PDLIM4: variants seen among roughly 807,000 people sequenced by gnomAD.
The protein encoded by PDLIM4 is PDZ and LIM domain 4, also known as PDZ and LIM domain protein 4.
PDLIM4 carries 19 observed loss-of-function variants against 31.3 expected under a neutral mutation model. The observed-to-expected ratio is 0.61, with a 90% CI of 0.42 to 0.89. PDLIM4 has a LOEUF of 0.89. Ranked by LOEUF, PDLIM4 falls within the 40% of genes least tolerant of loss-of-function variation. PDLIM4 has a pLI of 0.00. For missense variants in PDLIM4, 442 were observed against 461.1 expected, an observed-to-expected ratio of 0.96 and a Z score of 0.38; for synonymous variants, 176 against 190.1, an observed-to-expected ratio of 0.93 and a Z score of 0.61.
At chr5:132,266,426 G>A (rs753322725) in intron 2 of PDLIM4, 38 bp from the exon 3 acceptor site, 2 of 1,412,144 alleles carry the variant, frequency 1.4e-6, no homozygotes, top group Non-Finnish European at 2.0e-6. Context: ...GGTGGGCGTG[G>A]TAGGAGACAT....
intron 1 of PDLIM4, among the ~76,000 whole-genome samples, chr5:132,258,387 G>A (rs1756291821): frequency 6.6e-6 from 1 of 152,230 alleles, no homozygotes; most frequent in Non-Finnish European, 1.5e-5. Context: ...GAGGAATTTT[G>A]GCTTCCAGGG....
At chr5:132,261,722 G>A (rs1756377270) in intron 1 of PDLIM4, among the ~76,000 whole-genome samples, 2 of 152,142 alleles carry the variant, frequency 1.3e-5, no homozygotes, top group Admixed American at 6.5e-5. Context: ...GCTTGACCCC[G>A]AGGGGTCAAT....
In PDLIM4 at chr5:132,273,419, G is replaced by A. The variant is rs1336453215; in HGVS notation, c.*1190G>A. 1.3e-5 allele frequency: 2 copies of A among 152,136 alleles called. No individual in the cohort carries two copies. Among genetic ancestry groups the A allele is most frequent in the African/African-American group, 2.4e-5 (1 of 41,426 alleles). The allele number at this position is 152,136 out of a possible 1,614,324, so 9.4% of individuals were successfully genotyped here. A position where few individuals can be genotyped will look rare whatever the true frequency, so the allele number is the denominator to read the frequency against. On this transcript the variant is annotated 3_prime_UTR_variant, in exon 7 of 7. Coordinates refer to ENST00000253754, the MANE Select transcript of PDLIM4 (RefSeq NM_003687.4). ...TATGTTTCTTTTTTCATTTTTGCCA[G>A]TCTGTTAAGTAAAATGTCATATGCG...
intron 5 of PDLIM4, 79 bp downstream of exon 5, chr5:132,271,545 C>A: frequency 6.9e-7 from 1 of 1,443,294 alleles, no homozygotes; most frequent in Non-Finnish European, 9.6e-7. Flanking sequence ...ACCCCACGTC[C>A]CGCCTCGCAG....
Position 132,271,852 on chromosome 5 carries a change from T to A in PDLIM4, c.732T>A (p.Ala244=). The change falls in exon 6 of 7, where the codon GCT becomes GCA. Residue 244 remains alanine, a synonymous_variant. Transcript: ENST00000253754. ...AGCCCACGGCCAGCAAGCTGGGCGC[T>A]CCGCTGAGCGGCCTGCAGGGGCTGC... ...NLKPTASKLG[A]PLSGLQGLPE... 6.2e-7 allele frequency: 1 copy of A among 1,612,362 alleles called. No individual in the cohort carries two copies. Among genetic ancestry groups the A allele is most frequent in the Non-Finnish European group, 8.5e-7 (1 of 1,179,394 alleles).
chr5:132,271,585 G>C (rs780677269), intron 5 of PDLIM4, 119 bp downstream of exon 5: 1 of 1,142,144 alleles, frequency 8.8e-7, no homozygotes, highest in Non-Finnish European at 1.3e-6. Flanking sequence ...TCTGCGGCCC[G>C]GTCCCACGCC....
intron 1 of PDLIM4, among the ~76,000 whole-genome samples, chr5:132,261,043 A>G (rs1290054543): frequency 6.6e-6 from 1 of 152,156 alleles, no homozygotes; most frequent in Non-Finnish European, 1.5e-5. Context: ...CTTTCTCTTC[A>G]TCTGTAAAAT....
At chr5:132,268,238 G>T (rs1301650315) in intron 3 of PDLIM4, among the ~76,000 whole-genome samples, 4 of 152,182 alleles carry the variant, frequency 2.6e-5, no homozygotes, top group Admixed American at 1.3e-4. Flanking sequence ...AAAAGGTCAT[G>T]GGCTCCATGG....
At chr5:132,270,006 A>G (rs57560761) in intron 3 of PDLIM4, among the ~76,000 whole-genome samples, 10,905 of 152,118 alleles carry the variant, frequency 0.072, 493 homozygotes, top group South Asian at 0.13. Context: ...TTAAAGCATA[A>G]TTGTGAGAGT....
chr5:132,262,286 A>G (rs560350194), intron 1 of PDLIM4, among the ~76,000 whole-genome samples: 1 of 152,268 alleles, frequency 6.6e-6, no homozygotes, highest in East Asian at 1.9e-4. Flanking sequence ...CTATGTCTCC[A>G]TGTGTCTCTG....
chr5:132,262,861 C>G, intron 2 of PDLIM4, 101 bp downstream of exon 2: 1 of 1,149,006 alleles, frequency 8.7e-7, no homozygotes, highest in East Asian at 2.6e-5. Flanking sequence ...GCCTCTCTGC[C>G]TCAGCTCCTG....
rs1756675695 is a variant in PDLIM4 at position 132,273,416 on chromosome 5, C to T, written c.*1187C>T. 1 of 152,090 alleles carries T rather than the reference C, an allele frequency of 6.6e-6. No individual in the cohort carries two copies. Among genetic ancestry groups the T allele is most frequent in the African/African-American group, 2.4e-5 (1 of 41,406 alleles). The allele number at this position is 152,090 out of a possible 1,614,324, so 9.4% of individuals were successfully genotyped here. A position where few individuals can be genotyped will look rare whatever the true frequency, so the allele number is the denominator to read the frequency against. On this transcript the variant is annotated 3_prime_UTR_variant, in exon 7 of 7. Transcript: ENST00000253754. ...TATTATGTTTCTTTTTTCATTTTTG[C>T]CAGTCTGTTAAGTAAAATGTCATAT...
chr5:132,257,872 G>T lies in PDLIM4; in HGVS notation c.93+45G>T. 8.5e-7 allele frequency: 1 copy of T among 1,175,210 alleles called. No homozygotes were observed. The highest frequency in any genetic ancestry group is 1.6e-5 in the South Asian group (1 of 63,786). The allele number at this position is 1,175,210 out of a possible 1,614,324, so 72.8% of individuals were successfully genotyped here. A position where few individuals can be genotyped will look rare whatever the true frequency, so the allele number is the denominator to read the frequency against. On this transcript the variant is annotated intron_variant, in intron 1 of 6. Transcript: ENST00000253754. The surrounding 1 kb of genome is among the most constrained non-coding windows in gnomAD (Gnocchi z 4.3). ...GGCGGCAGGGCGGTCCCATGTCTGA[G>T]ACCGGGTTCTCGCGGTCCGCCCGGG...
At chr5:132,258,050 A>C (rs1561519059) in intron 1 of PDLIM4, among the ~76,000 whole-genome samples, 1 of 152,152 alleles carries the variant, frequency 6.6e-6, no homozygotes, top group African/African-American at 2.4e-5. Flanking sequence ...AGAATCTCCC[A>C]AGAGTTCACG....
intron 3 of PDLIM4, chr5:132,266,823 G>A (rs550800550): frequency 6.2e-5 from 20 of 322,422 alleles, no homozygotes; most frequent in Non-Finnish European, 1.0e-4. Flanking sequence ...CTTGGTTTGC[G>A]GCTATCACAC....
chr5:132,261,517 T>C (rs560992903), intron 1 of PDLIM4: 2 of 152,350 alleles, frequency 1.3e-5, no homozygotes, highest in East Asian at 1.9e-4. Context: ...TTGAACCAGC[T>C]GGGCACTGGC....
chr5:132,269,422 C>T (rs561383310), intron 3 of PDLIM4, among the ~76,000 whole-genome samples: 1 of 151,200 alleles, frequency 6.6e-6, no homozygotes, highest in African/African-American at 2.4e-5. Flanking sequence ...CCGACAGACA[C>T]ACGTGTGAGA....
intron 2 of PDLIM4, among the ~76,000 whole-genome samples, chr5:132,264,846 C>T (rs1329489156): frequency 6.6e-6 from 1 of 151,740 alleles, no homozygotes; most frequent in Non-Finnish European, 1.5e-5. Flanking sequence ...GCTCTCACTC[C>T]CAGGGTTCTA....
At chr5:132,265,273 A>C (rs1231160562) in intron 2 of PDLIM4, among the ~76,000 whole-genome samples, 1 of 152,242 alleles carries the variant, frequency 6.6e-6, no homozygotes, top group Non-Finnish European at 1.5e-5. Context: ...CTTAGACGTC[A>C]GGCTTGTACT....
Sources: gnomAD v4.1 joint callset for allele counts (sites outside exome capture counted in the v4.1 genomes callset) on GRCh38, gnomAD v4.1.1 for gene constraint, Gnocchi (gnomAD v3.1) non-coding constraint, MANE v1.5 for transcripts, NCBI Gene and HGNC (gene_info 2026-07-23, HGNC 2026-07-21) for gene names.